The following EPHB1 variants were observed in gnomAD, a reference collection of about 807,000 sequenced individuals.
EPHB1 encodes ephrin type-B receptor 1.
EPHB1 carries 30 observed loss-of-function variants against 94.4 expected under a neutral mutation model. That is an observed-to-expected ratio of 0.32 (90% CI 0.24 to 0.43). EPHB1 has a LOEUF of 0.43. Ranked by LOEUF, EPHB1 falls within the 20% of genes least tolerant of loss-of-function variation. The pLI, the probability that EPHB1 is intolerant of heterozygous loss-of-function variation, is 1.00. For missense variants in EPHB1, 1,055 were observed against 1,308.3 expected, an observed-to-expected ratio of 0.81 and a Z score of 2.99; for synonymous variants, 522 against 489.1, an observed-to-expected ratio of 1.07 and a Z score of -0.89.
intron 13 of EPHB1, among the ~76,000 whole-genome samples, chr3:135,246,894 T>C (rs1439088884): frequency 6.6e-6 from 1 of 152,086 alleles, no homozygotes; most frequent in African/African-American, 2.4e-5. Flanking sequence ...TTATCTCATG[T>C]CCTATCTCAT....
intron 1 of EPHB1, among the ~76,000 whole-genome samples, chr3:134,836,061 T>C (rs2036669611): frequency 6.6e-6 from 1 of 152,172 alleles, no homozygotes. Flanking sequence ...ACGGCAGAAG[T>C]GAAGGCAAAG....
At chr3:134,939,228 T>C (rs901692347) in intron 2 of EPHB1, among the ~76,000 whole-genome samples, 5 of 152,210 alleles carry the variant, frequency 3.3e-5, no homozygotes, top group African/African-American at 1.2e-4. Flanking sequence ...GCATCTTTGC[T>C]GTGAGTTCAC....
chr3:134,813,394 C>T (rs1253506755), intron 1 of EPHB1, among the ~76,000 whole-genome samples: 2 of 152,214 alleles, frequency 1.3e-5, no homozygotes, highest in African/African-American at 4.8e-5. Flanking sequence ...CAGAAATCAG[C>T]TAGAAATTCC....
intron 12 of EPHB1, among the ~76,000 whole-genome samples, chr3:135,213,153 C>T (rs922864605): frequency 1.3e-5 from 2 of 152,176 alleles, no homozygotes; most frequent in Non-Finnish European, 2.9e-5. Context: ...ACCTTGTTTT[C>T]CCCCAGGTGT....
chr3:135,071,424 A>T (rs1310781852), intron 3 of EPHB1, among the ~76,000 whole-genome samples: 1 of 152,216 alleles, frequency 6.6e-6, no homozygotes, highest in East Asian at 1.9e-4. Context: ...TGTAAGACAA[A>T]AACAAACGTA....
At chr3:134,865,891 T>G (rs1234620928) in intron 1 of EPHB1, among the ~76,000 whole-genome samples, 1 of 152,220 alleles carries the variant, frequency 6.6e-6, no homozygotes. Context: ...ATTCATATGG[T>G]TCAACATAAT....
intron 5 of EPHB1, among the ~76,000 whole-genome samples, chr3:135,142,701 A>G (rs1395710487): frequency 6.6e-6 from 1 of 152,166 alleles, no homozygotes; most frequent in Non-Finnish European, 1.5e-5. Flanking sequence ...TAAGTGTGCC[A>G]TGGAAATTGG....
intron 2 of EPHB1, among the ~76,000 whole-genome samples, chr3:134,942,234 G>A (rs1239012085): frequency 6.6e-6 from 1 of 152,220 alleles, no homozygotes; most frequent in Non-Finnish European, 1.5e-5. Context: ...GGAATATGGA[G>A]CAATACCCAA....
chr3:134,848,564 A>C (rs573896619), intron 1 of EPHB1, among the ~76,000 whole-genome samples: 3 of 152,350 alleles, frequency 2.0e-5, no homozygotes, highest in South Asian at 4.1e-4. Flanking sequence ...TCACTACTTC[A>C]TTCATCGCAA....
At chr3:135,232,128 C>A (rs1246516285) in intron 12 of EPHB1, among the ~76,000 whole-genome samples, 1 of 152,180 alleles carries the variant, frequency 6.6e-6, no homozygotes, top group South Asian at 2.1e-4. Flanking sequence ...AGCAAGATAA[C>A]CTTTTAGGCA....
chr3:134,882,818 CTTTCTTT>C, intron 1 of EPHB1, among the ~76,000 whole-genome samples: 1 of 114,256 alleles, frequency 8.8e-6, no homozygotes, highest in African/African-American at 3.2e-5. Context: ...TTCTTTCTTT[CTTTCTTT>C]TCTTTCTTTC....
In EPHB1 at chr3:135,230,129, G is replaced by A. The variant is rs375568967; in HGVS notation, c.2347-11019G>A. Among the ~76,000 whole-genome samples the A allele has an allele frequency of 3.3e-5, 5 of 152,322 alleles. No homozygotes were observed. In the East Asian group the frequency reaches 9.7e-4, roughly 29 times the overall value. ...AAGTACAGTTCCTGCCATTGTCAGA[G>A]AAGCAATGGATGAAACACTGGACGT... On this transcript the variant is annotated intron_variant, in intron 12 of 15. Coordinates refer to ENST00000398015, the MANE Select transcript of EPHB1 (RefSeq NM_004441.5).
chr3:135,088,360 A>G (rs1203774860), intron 3 of EPHB1, among the ~76,000 whole-genome samples: 1 of 152,252 alleles, frequency 6.6e-6, no homozygotes, highest in African/African-American at 2.4e-5. Flanking sequence ...TATCACTGTC[A>G]GTGAAATGGA....
intron 15 of EPHB1, among the ~76,000 whole-genome samples, chr3:135,256,484 G>A (rs901465486): frequency 6.6e-5 from 10 of 152,128 alleles, no homozygotes; most frequent in Non-Finnish European, 1.2e-4. Context: ...ATGAAGCTTA[G>A]TTTGGCTGGA....
intron 3 of EPHB1, among the ~76,000 whole-genome samples, chr3:135,030,826 G>T (rs543224558): frequency 6.6e-5 from 10 of 152,300 alleles, no homozygotes; most frequent in Non-Finnish European, 8.8e-5. Context: ...CCCCAGCCTC[G>T]CTGCCGCCTT....
intron 4 of EPHB1, among the ~76,000 whole-genome samples, chr3:135,110,655 A>G (rs1347240298): frequency 1.3e-5 from 2 of 152,244 alleles, no homozygotes; most frequent in African/African-American, 4.8e-5. Flanking sequence ...CTCTAATTCC[A>G]TGACCTCAGT....
At position 135,132,878 on chromosome 3, in the gene EPHB1, A is replaced by G. The variant is rs750758313; in HGVS notation, c.1126A>G (p.Asn376Asp). The stretch of plus-strand genomic sequence containing the variant: ...CCGGAGCTGCTCCCGCTGTGACGAC[A>G]ATGTGGAGTTTGTGCCCAGGCAGCT... ...DRRSCSRCDDNVEFVPRQLGL... is the reference protein window; with the variant it reads ...DRRSCSRCDDDVEFVPRQLGL... Residue 376 changes from asparagine (N) to aspartate (D), a missense_variant, in exon 5 of 16, where the codon AAT becomes GAT. Coordinates refer to ENST00000398015, the MANE Select transcript of EPHB1 (RefSeq NM_004441.5). The G allele has an allele frequency of 1.9e-6, 3 of 1,614,038 alleles. No homozygotes were observed. In the South Asian group the frequency reaches 3.3e-5, roughly 18 times the overall value.
At chr3:135,037,417 T>C (rs963322147) in intron 3 of EPHB1, among the ~76,000 whole-genome samples, 2 of 152,184 alleles carry the variant, frequency 1.3e-5, no homozygotes, top group Non-Finnish European at 2.9e-5. Flanking sequence ...TCGTTAGATA[T>C]GTACTGGAGA....
At chr3:135,136,508 A>G (rs1186636081) in intron 5 of EPHB1, among the ~76,000 whole-genome samples, 1 of 152,192 alleles carries the variant, frequency 6.6e-6, no homozygotes, top group Non-Finnish European at 1.5e-5. Flanking sequence ...TTCTTTTTAC[A>G]GAGAAGGTGG....
Sources: gnomAD v4.1 joint callset for allele counts (sites outside exome capture counted in the v4.1 genomes callset) on GRCh38, gnomAD v4.1.1 for gene constraint, MANE v1.5 for transcripts, NCBI Gene and HGNC (gene_info 2026-07-23, HGNC 2026-07-21) for gene names.